The following KLHL29 variants were observed in gnomAD, a reference collection of about 807,000 sequenced individuals.
KLHL29 encodes kelch like family member 29.
A neutral mutation model predicts 80.4 loss-of-function variants in KLHL29; 21 were observed. The ratio of observed to expected loss-of-function variants is 0.26; its 90% CI spans 0.19 to 0.38. The LOEUF (loss-of-function observed/expected upper bound fraction) is 0.38. Ranked by LOEUF, KLHL29 falls within the 10% of genes least tolerant of loss-of-function variation. KLHL29 has a pLI of 1.00. For synonymous variants in KLHL29, 511 were observed against 526.8 expected, an observed-to-expected ratio of 0.97 and a Z score of 0.41; for missense variants, 867 against 1,223.9, an observed-to-expected ratio of 0.71 and a Z score of 4.35.
chr2:23,585,288 C>G (rs1157794897), intron 3 of KLHL29, among the ~76,000 whole-genome samples: 1 of 152,212 alleles, frequency 6.6e-6, no homozygotes, highest in Non-Finnish European at 1.5e-5. Flanking sequence ...GAGGTGGAAT[C>G]CGTTACTGAA....
Position 23,536,890 on chromosome 2 carries a change from T to TCACACACACA in KLHL29, c.-45-25242_-45-25233dup, listed in dbSNP as rs111611960. Among the ~76,000 whole-genome samples, 156 of 143,108 alleles carry TCACACACACA rather than the reference T, an allele frequency of 1.1e-3. 1 individual carries two copies. The highest frequency in any genetic ancestry group is 1.9e-3 in the Non-Finnish European group (125 of 66,558). The allele number at this position is 143,108 out of a possible 152,430, so 93.9% of individuals were successfully genotyped here. On this transcript the variant is annotated intron_variant, in intron 2 of 13. Transcript: ENST00000486442. ...CTAACGAAATAGCGAAAGACAGATC[T>TCACACACACA]CACACACACACACACACACACACAC... is the stretch of plus-strand genomic sequence containing the variant.
chr2:23,445,807 G>T (rs1663656649), intron 1 of KLHL29, among the ~76,000 whole-genome samples: 1 of 152,190 alleles, frequency 6.6e-6, no homozygotes, highest in South Asian at 2.1e-4. Context: ...AATGAGAAAT[G>T]AGTGTTTCTG....
rs537423699 is a variant in KLHL29, at chr2:23,429,035, C to T, written c.-154+43255C>T. Among the ~76,000 whole-genome samples, 364 of 152,354 alleles carry T rather than the reference C, an allele frequency of 2.4e-3. 1 individual carries two copies. The highest frequency in any genetic ancestry group is 6.8e-3 in the Middle Eastern group (2 of 294). ...CTAGTGTCTTCTCTCTGGGCCTTGA[C>T]TCCCCTGTGTGCACAGCGAGGGAGT... On this transcript the variant is annotated intron_variant, in intron 1 of 13. Coordinates refer to ENST00000486442, the MANE Select transcript of KLHL29 (RefSeq NM_052920.2).
intron 1 of KLHL29, among the ~76,000 whole-genome samples, chr2:23,398,193 A>G (rs1666499357): frequency 6.6e-6 from 1 of 152,280 alleles, no homozygotes; most frequent in Admixed American, 6.5e-5. Context: ...CACAATAGCC[A>G]AAAGGTAGAA....
At chr2:23,411,379 TTGTGTGTGTGTGTGTGTGTGTGTGTGTG>T (rs56103621) in intron 1 of KLHL29, among the ~76,000 whole-genome samples, 1 of 108,944 alleles carries the variant, frequency 9.2e-6, no homozygotes, top group African/African-American at 3.8e-5. Flanking sequence ...GTTGCAAAAA[TTGTGTGTGTGTGTGTGTGTGTGTGTGTG>T]TGTGTGTGTG....
At chr2:23,468,630 G>A (rs1664414964) in intron 1 of KLHL29, among the ~76,000 whole-genome samples, 1 of 152,138 alleles carries the variant, frequency 6.6e-6, no homozygotes, top group South Asian at 2.1e-4. Flanking sequence ...TATGCTGTCT[G>A]TTTCTCCTGT....
In KLHL29 at chr2:23,688,624, C is replaced by T. The variant is rs147798647; in HGVS notation, c.1080-3050C>T. On this transcript the variant is annotated intron_variant, in intron 6 of 13. Coordinates refer to ENST00000486442, the MANE Select transcript of KLHL29 (RefSeq NM_052920.2). ...CCCCACGCCCAGAAGTAGGTGACTC[C>T]AGGAAGCTCTGGTCTTCTGACAGAC... 2.0e-3 allele frequency among the ~76,000 whole-genome samples: 302 copies of T among 152,106 alleles called. 1 individual carries two copies. The highest frequency in any genetic ancestry group is 6.8e-3 in the African/African-American group (281 of 41,502).
At chr2:23,508,338 A>G (rs1380425289) in intron 2 of KLHL29, among the ~76,000 whole-genome samples, 6 of 152,240 alleles carry the variant, frequency 3.9e-5, no homozygotes, top group Non-Finnish European at 7.3e-5. Context: ...GTCCACCTGC[A>G]GGGGCTGGAG....
chr2:23,489,928 A>G (rs1665046909), intron 2 of KLHL29, among the ~76,000 whole-genome samples: 1 of 151,904 alleles, frequency 6.6e-6, no homozygotes, highest in African/African-American at 2.4e-5. Context: ...CTCCTTGTCC[A>G]CTCTAGGTTC....
At chr2:23,701,364 C>T (rs941210699) in intron 11 of KLHL29, among the ~76,000 whole-genome samples, 2 of 152,226 alleles carry the variant, frequency 1.3e-5, no homozygotes, top group African/African-American at 4.8e-5. Context: ...CTCCATCCTG[C>T]AGACACAGTG....
intron 3 of KLHL29, among the ~76,000 whole-genome samples, chr2:23,569,452 T>C (rs1667664584): frequency 6.6e-6 from 1 of 152,252 alleles, no homozygotes; most frequent in Admixed American, 6.5e-5. Flanking sequence ...TGAACATAAA[T>C]CTACTTCTTA....
At chr2:23,655,636 G>A (rs1037685040) in intron 5 of KLHL29, among the ~76,000 whole-genome samples, 1 of 152,170 alleles carries the variant, frequency 6.6e-6, no homozygotes, top group Admixed American at 6.5e-5. Flanking sequence ...CTCTGGAAGC[G>A]CATCCAGCCA....
chr2:23,640,765 CTG>C (rs1669745063), intron 4 of KLHL29, among the ~76,000 whole-genome samples: 2 of 152,378 alleles, frequency 1.3e-5, no homozygotes, highest in South Asian at 4.1e-4. Flanking sequence ...GAGGAGGAAA[CTG>C]GCTCGGGAAA....
intron 1 of KLHL29, among the ~76,000 whole-genome samples, chr2:23,404,342 A>G (rs1666673876): frequency 6.6e-6 from 1 of 152,324 alleles, no homozygotes; most frequent in Admixed American, 6.5e-5. Flanking sequence ...CTTTGTGATG[A>G]TGCTGTTTAA....
chr2:23,481,544 G>A (rs1044931361), intron 2 of KLHL29, among the ~76,000 whole-genome samples: 1 of 152,220 alleles, frequency 6.6e-6, no homozygotes, highest in Admixed American at 6.5e-5. Context: ...ACAGTAGCTG[G>A]TCAGCAGCCT....
intron 1 of KLHL29, among the ~76,000 whole-genome samples, chr2:23,468,510 A>C (rs1317078776): frequency 2.0e-5 from 3 of 152,158 alleles, no homozygotes; most frequent in Non-Finnish European, 4.4e-5. Context: ...TCAAGAGGCC[A>C]TGCCCTAAAG....
intron 2 of KLHL29, among the ~76,000 whole-genome samples, chr2:23,559,497 C>T (rs550162403): frequency 6.6e-6 from 1 of 151,792 alleles, no homozygotes; most frequent in African/African-American, 2.4e-5. Context: ...GATGGAAGGT[C>T]GTGGCTGCAG....
In KLHL29 at chr2:23,532,182, G is replaced by A. The variant is rs368656832; in HGVS notation, c.-45-29970G>A. Among the ~76,000 whole-genome samples, 19 of 152,342 alleles carry A rather than the reference G, an allele frequency of 1.2e-4. No individual in the cohort carries two copies. In the East Asian group the frequency reaches 1.9e-3, roughly 15 times the overall value. The stretch of plus-strand genomic sequence containing the variant: ...TAACCTTTCCTGGTGGGAGAGGGGT[G>A]GAGGGGAAGGCTGAGGCCATTTGAC... On this transcript the variant is annotated intron_variant, in intron 2 of 13. Transcript: ENST00000486442.
intron 1 of KLHL29, among the ~76,000 whole-genome samples, chr2:23,403,895 G>T (rs566412061): frequency 8.1e-4 from 124 of 152,180 alleles, no homozygotes; most frequent in Admixed American, 3.4e-3. Context: ...CAGAAGAGGT[G>T]GGGGGTAGCT....
Sources: gnomAD v4.1 joint callset for allele counts (sites outside exome capture counted in the v4.1 genomes callset) on GRCh38, gnomAD v4.1.1 for gene constraint, MANE v1.5 for transcripts, NCBI Gene and HGNC (gene_info 2026-07-23, HGNC 2026-07-21) for gene names.